Variants in PCDH15 observed in about 807,000 individuals in gnomAD.
PCDH15 encodes the protein protocadherin-15.
In PCDH15, 129 loss-of-function variants were observed where a neutral mutation model predicts 178.5. That is an observed-to-expected ratio of 0.72 (90% confidence interval 0.63 to 0.84). The LOEUF is 0.84. PCDH15 is among the 40% of genes least tolerant of loss of function. The probability of loss-of-function intolerance (pLI) is 0.00; values close to 1 mark genes in which losing one functional copy is unlikely to be tolerated. For synonymous variants in PCDH15, 800 were observed against 732.0 expected (o/e 1.09, Z -1.50); for missense variants, 2,230 against 2,099.9 (o/e 1.06, Z -1.21).
At chr10:55,307,839 A>G (rs900852563) in intron 1 of PCDH15, among the ~76,000 whole-genome samples, 7 of 152,026 alleles carry the variant, frequency 4.6e-5, no homozygotes, top group Non-Finnish European at 8.8e-5. Flanking sequence ...TTTTGATTTT[A>G]TAAATATTGA....
chr10:54,632,311 G>GA lies in PCDH15; in HGVS notation c.91+31860dup, dbSNP rs571437426. ...GAAGAGTAGGAGTGGGTCAAGGTCT[G>GA]AAAAAATACCTGCTAGGTACTATGC... is the stretch of plus-strand genomic sequence containing the variant. On this transcript the variant is annotated intron_variant, in intron 2 of 37. Transcript: ENST00000644397. Among the ~76,000 whole-genome samples, 58 of 152,098 alleles carry GA rather than the reference G, an allele frequency of 3.8e-4. No individual in the cohort carries two copies. The East Asian group carries it at 9.7e-3, about 25-fold the overall frequency.
In PCDH15 at chr10:54,607,301, C is replaced by A. The variant is rs534463901; in HGVS notation, c.91+56871G>T. ...GTTTATGTGCAATAAATGTGGTAAA[C>A]AATAATGTGATATAAAATCTTCTAA... On this transcript the variant is annotated intron_variant, in intron 2 of 37. Coordinates refer to ENST00000644397, the MANE Select transcript of PCDH15 (RefSeq NM_001384140.1). Among the ~76,000 whole-genome samples the A allele has an allele frequency of 5.6e-4, 85 of 151,944 alleles. 1 individual carries two copies. Among genetic ancestry groups the A allele is most frequent in the African/African-American group, 2.0e-3 (82 of 41,458 alleles).
chr10:54,736,904 C>G (rs1566083415), intron 1 of PCDH15, among the ~76,000 whole-genome samples: 1 of 152,026 alleles, frequency 6.6e-6, no homozygotes, highest in Admixed American at 6.6e-5. Context: ...TAACGAATCA[C>G]TTGATTTTGA....
intron 2 of PCDH15, among the ~76,000 whole-genome samples, chr10:54,644,927 G>A (rs983030622): frequency 2.0e-5 from 3 of 151,996 alleles, no homozygotes; most frequent in Non-Finnish European, 2.9e-5. Flanking sequence ...CAAAGGATGC[G>A]GCAACAGGCA....
At chr10:55,079,829 T>C (rs1841993127) in intron 2 of PCDH15, among the ~76,000 whole-genome samples, 1 of 151,920 alleles carries the variant, frequency 6.6e-6, no homozygotes, top group Admixed American at 6.6e-5. Context: ...ATGCCAGAGG[T>C]GGTGCAATAG....
At chr10:55,129,766 T>G (rs1011359879) in intron 2 of PCDH15, among the ~76,000 whole-genome samples, 1 of 152,150 alleles carries the variant, frequency 6.6e-6, no homozygotes, top group African/African-American at 2.4e-5. Context: ...TACCAGATAT[T>G]TATTTGCCCA....
intron 1 of PCDH15, among the ~76,000 whole-genome samples, chr10:55,250,938 AAGTATT>A (rs1592021264): frequency 6.6e-6 from 1 of 152,142 alleles, no homozygotes; most frequent in East Asian, 1.9e-4. Flanking sequence ...GCTCGGTAGG[AAGTATT>A]TATATTCCCT....
chr10:53,963,290 C>A (rs754427791), intron 21 of PCDH15, among the ~76,000 whole-genome samples: 14 of 152,152 alleles, frequency 9.2e-5, no homozygotes, highest in Non-Finnish European at 1.5e-4. Flanking sequence ...TCATATACTA[C>A]ACGTCACCAC....
At chr10:54,672,214 TA>T (rs752639403) in intron 1 of PCDH15, among the ~76,000 whole-genome samples, 2 of 151,332 alleles carry the variant, frequency 1.3e-5, no homozygotes, top group African/African-American at 2.4e-5. Context: ...TATATCATTA[TA>T]TATTATAATA....
chr10:53,996,380 T>A (rs1283520482), intron 20 of PCDH15, among the ~76,000 whole-genome samples: 4 of 152,166 alleles, frequency 2.6e-5, no homozygotes, highest in Admixed American at 2.6e-4. Flanking sequence ...AACTTATATG[T>A]ATCTTATTTT....
chr10:54,189,918 C>CGT lies in PCDH15; in HGVS notation c.1306-4651_1306-4650insAC, dbSNP rs1564637171. ...GATATGGTTCATATATGTATACATG[C>CGT]ATGTGTATGTGTGTGTGTGTGTGTG... On this transcript the variant is annotated intron_variant, in intron 11 of 37. Coordinates refer to ENST00000644397, the MANE Select transcript of PCDH15 (RefSeq NM_001384140.1). Among the ~76,000 whole-genome samples, 47 of 82,022 alleles carry CGT rather than the reference C, an allele frequency of 5.7e-4. 1 individual carries two copies. The South Asian group carries it at 0.012, about 21-fold the overall frequency. The allele number at this position is 82,022 out of a possible 152,430, so 53.8% of individuals were successfully genotyped here. A position where few individuals can be genotyped will look rare whatever the true frequency, so the allele number is the denominator to read the frequency against.
chr10:54,758,213 G>A (rs1236937396), intron 1 of PCDH15, among the ~76,000 whole-genome samples: 1 of 151,960 alleles, frequency 6.6e-6, no homozygotes, highest in South Asian at 2.1e-4. Flanking sequence ...TAAATGGTTC[G>A]ACTTATAATT....
chr10:54,273,825 G>A (rs566987658), intron 8 of PCDH15, among the ~76,000 whole-genome samples: 46 of 151,982 alleles, frequency 3.0e-4, no homozygotes, highest in South Asian at 6.2e-4. Flanking sequence ...GCTTGGCACC[G>A]GCTATTCCCT....
At chr10:54,566,796 G>A (rs2089111272) in intron 2 of PCDH15, among the ~76,000 whole-genome samples, 1 of 152,076 alleles carries the variant, frequency 6.6e-6, no homozygotes, top group Non-Finnish European at 1.5e-5. Flanking sequence ...GAATAAAGAT[G>A]CTGTAAACAT....
chr10:53,898,168 C>T (rs908231355), intron 26 of PCDH15, among the ~76,000 whole-genome samples: 18 of 151,488 alleles, frequency 1.2e-4, no homozygotes, highest in African/African-American at 4.4e-4. Flanking sequence ...GGGGTTTCAC[C>T]GTGTTAGCCA....
chr10:54,798,598 A>G (rs942631760), intron 1 of PCDH15, among the ~76,000 whole-genome samples: 3 of 152,108 alleles, frequency 2.0e-5, no homozygotes, highest in African/African-American at 7.2e-5. Context: ...ATACAAACAA[A>G]ATGACTATGA....
chr10:54,087,866 C>T lies in PCDH15; in HGVS notation c.1997+2118G>A, dbSNP rs72797014. On this transcript the variant is annotated intron_variant, in intron 16 of 37. Coordinates refer to ENST00000644397, the MANE Select transcript of PCDH15 (RefSeq NM_001384140.1). ...ATGGTTGAGCACCACCCTCCTTGGT[C>T]CTGCTCTCTTGATAGAGTTCAGGAG... 5.1e-3 allele frequency among the ~76,000 whole-genome samples: 772 copies of T among 152,226 alleles called. 4 individuals are homozygous for T. Among genetic ancestry groups the T allele is most frequent in the Non-Finnish European group, 8.2e-3 (558 of 68,018 alleles).
intron 36 of PCDH15, 161 bp from the exon 37 acceptor site, chr10:53,810,825 A>T: frequency 4.4e-6 from 3 of 674,198 alleles, no homozygotes; most frequent in Non-Finnish European, 7.9e-6. Flanking sequence ...CTATAGAGTA[A>T]GAACTGCTAC....
At chr10:53,984,143 C>CTTTTTTTTTTTTTTTTTTTT (rs1564928742) in intron 21 of PCDH15, among the ~76,000 whole-genome samples, 1 of 43,748 alleles carries the variant, frequency 2.3e-5, no homozygotes. Flanking sequence ...TTTCTTTTTT[C>CTTTTTTTTTTTTTTTTTTTT]TTTTCTTTTT....
Sources: gnomAD v4.1 joint callset for allele counts (sites outside exome capture counted in the v4.1 genomes callset) on GRCh38, gnomAD v4.1.1 for gene constraint, MANE v1.5 for transcripts, NCBI Gene and HGNC (gene_info 2026-07-23, HGNC 2026-07-21) for gene names.